The following SNX29 variants were observed in gnomAD, a reference collection of about 807,000 sequenced individuals.
SNX29 encodes sorting nexin-29.
SNX29 carries 78 observed loss-of-function variants against 102.1 expected under a neutral mutation model. That is an observed-to-expected ratio of 0.76 (90% CI 0.64 to 0.92). The LOEUF (loss-of-function observed/expected upper bound fraction) is 0.92. SNX29 is among the 40% of genes least tolerant of loss of function. The pLI, the probability that SNX29 is intolerant of heterozygous loss-of-function variation, is 0.00. For missense variants in SNX29, 1,280 were observed against 1,061.7 expected (o/e 1.21, Z -2.86); for synonymous variants, 580 against 414.5 (o/e 1.40, Z -4.85).
intron 14 of SNX29, among the ~76,000 whole-genome samples, chr16:12,231,167 T>G (rs2077758570): frequency 6.6e-6 from 1 of 152,218 alleles, no homozygotes; most frequent in South Asian, 2.1e-4. Context: ...ATAAGTCATT[T>G]AAACATTAAA....
chr16:12,380,248 G>C (rs367765003), intron 16 of SNX29, among the ~76,000 whole-genome samples: 4 of 150,226 alleles, frequency 2.7e-5, no homozygotes, highest in African/African-American at 1.0e-4. Context: ...GACAATCTGA[G>C]GTTGAGGAAG....
chr16:12,027,378 C>A lies in SNX29; in HGVS notation c.181C>A (p.Arg61=). The change falls in exon 4 of 21, where the codon CGA becomes AGA. Residue 61 remains arginine, a synonymous_variant. Transcript: ENST00000566228. ...CCTGCAGCATGGCTTGAAGAGGAGT[C>A]GAGGATTGGCACTCACAGCGGCAGC... ...AVLQHGLKRS[R]GLALTAAAIK... The A allele has an allele frequency of 2.5e-6, 4 of 1,614,040 alleles. No individual in the cohort carries two copies. The highest frequency in any genetic ancestry group is 1.1e-5 in the South Asian group (1 of 91,046).
chr16:12,290,510 G>A (rs569733541), intron 15 of SNX29, among the ~76,000 whole-genome samples: 3 of 152,238 alleles, frequency 2.0e-5, no homozygotes, highest in South Asian at 2.1e-4. Flanking sequence ...GTACGGTGTC[G>A]TGAATGTGTC....
intron 13 of SNX29, among the ~76,000 whole-genome samples, chr16:12,190,150 A>G (rs2141894663): frequency 6.6e-6 from 1 of 152,240 alleles, no homozygotes; most frequent in East Asian, 1.9e-4. Flanking sequence ...TGCTCTCTTC[A>G]TTATAGAGAT....
chr16:12,496,810 G>A (rs1328552802), intron 19 of SNX29, among the ~76,000 whole-genome samples: 1 of 152,152 alleles, frequency 6.6e-6, no homozygotes, highest in Non-Finnish European at 1.5e-5. Context: ...GTTCGGGGAA[G>A]ACATTTTGGA....
intron 11 of SNX29, among the ~76,000 whole-genome samples, chr16:12,117,422 G>A (rs2053778957): frequency 6.6e-6 from 1 of 151,174 alleles, no homozygotes; most frequent in Admixed American, 6.6e-5. Flanking sequence ...CAATGCGGAC[G>A]AACCGTGGAA....
At chr16:12,417,718 C>G (rs1480727055) in intron 18 of SNX29, among the ~76,000 whole-genome samples, 1 of 152,026 alleles carries the variant, frequency 6.6e-6, no homozygotes, top group Non-Finnish European at 1.5e-5. Flanking sequence ...TTCCTCTCTT[C>G]TCTTTCCTTC....
intron 20 of SNX29, among the ~76,000 whole-genome samples, chr16:12,559,569 C>G (rs750061160): frequency 6.6e-6 from 1 of 151,922 alleles, no homozygotes; most frequent in East Asian, 1.9e-4. Flanking sequence ...TTTTCTTATA[C>G]ATAACTCATC....
At chr16:12,487,024 G>C (rs952594610) in intron 19 of SNX29, among the ~76,000 whole-genome samples, 1 of 152,212 alleles carries the variant, frequency 6.6e-6, no homozygotes, top group Non-Finnish European at 1.5e-5. Flanking sequence ...TGTACTATCT[G>C]TGTGGCCTCG....
chr16:12,188,420 G>A (rs537486277), intron 13 of SNX29, among the ~76,000 whole-genome samples: 1 of 152,206 alleles, frequency 6.6e-6, no homozygotes, highest in Non-Finnish European at 1.5e-5. Flanking sequence ...GTGCTGAAAT[G>A]AGCTGCCTTC....
chr16:12,073,209 A>G (rs903180347), intron 10 of SNX29, among the ~76,000 whole-genome samples: 6 of 152,012 alleles, frequency 3.9e-5, no homozygotes, highest in Non-Finnish European at 8.8e-5. Flanking sequence ...GCCTTCTGCT[A>G]GCTTTTGAAT....
intron 11 of SNX29, among the ~76,000 whole-genome samples, chr16:12,113,152 G>C (rs1012087000): frequency 2.6e-5 from 4 of 152,202 alleles, no homozygotes; most frequent in South Asian, 2.1e-4. Flanking sequence ...GAAGTGGATT[G>C]AGCAGTCACT....
chr16:12,048,187 A>T (rs1432879501), intron 6 of SNX29, among the ~76,000 whole-genome samples, 185 bp from the exon 7 acceptor site: 1 of 144,678 alleles, frequency 6.9e-6, no homozygotes. Flanking sequence ...TTGCTTTGTC[A>T]CCCAGGCTGG....
At chr16:12,510,252 A>C (rs1318276384) in intron 19 of SNX29, among the ~76,000 whole-genome samples, 1 of 152,190 alleles carries the variant, frequency 6.6e-6, no homozygotes, top group African/African-American at 2.4e-5. Flanking sequence ...GATTGCTCCA[A>C]AATATGGTAG....
At chr16:12,284,807 C>T (rs1320131579) in intron 15 of SNX29, among the ~76,000 whole-genome samples, 2 of 152,038 alleles carry the variant, frequency 1.3e-5, no homozygotes, top group Non-Finnish European at 2.9e-5. Context: ...TCACTGCAAC[C>T]TCTGCCTCCC....
In SNX29 at chr16:12,571,671, C is replaced by T; in HGVS notation, c.*3042C>T. On this transcript the variant is annotated 3_prime_UTR_variant, in exon 21 of 21. Transcript: ENST00000566228. ...ACGACTCAGGAACGGTAGGGCTGGG[C>T]AGAGGTGTCTCTCCTTGAGAGACAA... 1.9e-6 allele frequency: 2 copies of T among 1,059,454 alleles called. No individual in the cohort carries two copies. Among genetic ancestry groups the T allele is most frequent in the Non-Finnish European group, 2.3e-6 (2 of 876,060 alleles). 65.6% of individuals were successfully genotyped at this position (1,059,454 alleles called of 1,614,324 possible). A position where few individuals can be genotyped will look rare whatever the true frequency, so the allele number is the denominator to read the frequency against.
rs531515102 is a variant in SNX29 at position 11,977,204 on chromosome 16, C to T, written c.7+391C>T. On this transcript the variant is annotated intron_variant, in intron 1 of 20. Transcript: ENST00000566228. ...GCTCCAGTTCCAGGTCCCCCATCCC[C>T]AGTCATCCCCGCTACCCAGGCCCCT... Among the ~76,000 whole-genome samples the T allele has an allele frequency of 5.3e-5, 8 of 152,254 alleles. No homozygotes were observed. In the East Asian group the frequency reaches 1.4e-3, roughly 26 times the overall value.
At chr16:12,488,956 G>A (rs567256945) in intron 19 of SNX29, among the ~76,000 whole-genome samples, 1 of 152,260 alleles carries the variant, frequency 6.6e-6, no homozygotes, top group Admixed American at 6.5e-5. Flanking sequence ...ACTTGACTCC[G>A]TTGGGCATTA....
chr16:12,572,883 G>T lies in SNX29; in HGVS notation c.*4254G>T. On this transcript the variant is annotated 3_prime_UTR_variant, in exon 21 of 21. Coordinates refer to ENST00000566228, the MANE Select transcript of SNX29 (RefSeq NM_032167.5). The stretch of plus-strand genomic sequence containing the variant: ...TAAAGGTAATGATTGTCTTGACTCT[G>T]CCTTGGCATTTCGCTCGGAATCACG... 1.9e-6 allele frequency: 2 copies of T among 1,058,366 alleles called. No homozygotes were observed. Among genetic ancestry groups the T allele is most frequent in the Non-Finnish European group, 2.3e-6 (2 of 873,410 alleles). The allele number at this position is 1,058,366 out of a possible 1,614,324, so 65.6% of individuals were successfully genotyped here.
Sources: gnomAD v4.1 joint callset for allele counts (sites outside exome capture counted in the v4.1 genomes callset) on GRCh38, gnomAD v4.1.1 for gene constraint, MANE v1.5 for transcripts, NCBI Gene and HGNC (gene_info 2026-07-23, HGNC 2026-07-21) for gene names.